Variants in CCAR1 observed in about 807,000 individuals in gnomAD.
CCAR1 encodes the protein cell division cycle and apoptosis regulator protein 1.
Under a neutral mutation model 163.8 loss-of-function variants are expected in CCAR1, and 78 were observed. The ratio of observed to expected loss-of-function variants is 0.48; its 90% CI spans 0.40 to 0.57. CCAR1 has a LOEUF of 0.57. Ranked by LOEUF, CCAR1 falls within the 20% of genes least tolerant of loss-of-function variation. The pLI, the probability that CCAR1 is intolerant of heterozygous loss-of-function variation, is 0.00. For synonymous variants in CCAR1, 443 were observed against 460.7 expected, an observed-to-expected ratio of 0.96 and a Z score of 0.49; for missense variants, 1,019 against 1,365.2, an observed-to-expected ratio of 0.75 and a Z score of 4.00.
At chr10:68,753,022 CTG>C (rs989363189) in intron 10 of CCAR1, among the ~76,000 whole-genome samples, 10 of 151,094 alleles carry the variant, frequency 6.6e-5, no homozygotes, top group African/African-American at 1.2e-4. Flanking sequence ...GTTTATTACT[CTG>C]TATTTATTTT....
Position 68,786,181 on chromosome 10 carries a change from T to C in CCAR1, c.2696T>C (p.Ile899Thr), listed in dbSNP as rs1020846233. 6.8e-6 allele frequency: 11 copies of C among 1,612,146 alleles called. No homozygotes were observed. The Admixed American group carries it at 8.3e-5, about 12-fold the overall frequency. Residue 899 changes from isoleucine to threonine, a missense_variant, in exon 20 of 25, where the codon ATC becomes ACC. By Grantham distance (89) the Ile-to-Thr change is moderately conservative. Coordinates refer to ENST00000265872, the MANE Select transcript of CCAR1 (RefSeq NM_018237.4). ...ACCAAACGAGATGACAAAAGAGATA[T>C]CAACAGATACTGCAAGGAGAGGCCC... ...EMTKRDDKRD[I>T]NRYCKERPSK...
intron 16 of CCAR1, among the ~76,000 whole-genome samples, chr10:68,762,334 A>C (rs904061316): frequency 2.7e-5 from 3 of 111,032 alleles, no homozygotes; most frequent in African/African-American, 6.2e-5. Context: ...GTCTAAAAAA[A>C]AAAACAAAAC....
chr10:68,788,357 C>T, intron 23 of CCAR1, 29 bp downstream of exon 23: 2 of 1,477,126 alleles, frequency 1.4e-6, no homozygotes, highest in Non-Finnish European at 1.8e-6. Context: ...TATGTTAATA[C>T]TTTCAGCACC....
At chr10:68,790,701 A>G (rs753703121) in intron 24 of CCAR1, among the ~76,000 whole-genome samples, 2 of 151,692 alleles carry the variant, frequency 1.3e-5, no homozygotes, top group Non-Finnish European at 2.9e-5. Context: ...GCTAATTTTT[A>G]TATTTTTTTT....
At chr10:68,769,718 G>C (rs1003277850) in intron 17 of CCAR1, among the ~76,000 whole-genome samples, 1 of 151,716 alleles carries the variant, frequency 6.6e-6, no homozygotes, top group Non-Finnish European at 1.5e-5. Flanking sequence ...GAGGCGGGGG[G>C]ATCATGAGGC....
chr10:68,779,893 G>T (rs2056714753), intron 19 of CCAR1, among the ~76,000 whole-genome samples: 1 of 152,134 alleles, frequency 6.6e-6, no homozygotes, highest in Admixed American at 6.6e-5. Context: ...CATGGAAAAA[G>T]ATTTTTAAAG....
At chr10:68,749,474 T>C (rs1285152172) in intron 9 of CCAR1, 50 bp from the exon 10 acceptor site, 1 of 1,485,494 alleles carries the variant, frequency 6.7e-7, no homozygotes, top group Admixed American at 1.9e-5. Flanking sequence ...ATTGAAGAGC[T>C]TTTCCATAAT....
rs71474438 is a variant in CCAR1 at position 68,747,145 on chromosome 10, CTT to C, written c.519-6_519-5del. 4.2e-4 allele frequency: 451 copies of C among 1,081,958 alleles called. No homozygotes were observed. The highest frequency in any genetic ancestry group is 7.6e-4 in the South Asian group (45 of 59,062). 67.0% of individuals were successfully genotyped at this position (1,081,958 alleles called of 1,614,324 possible). ...TGTATTTATATTTAACTTTTTTTTT[CTT>C]TTTTTTTTTACAGTGCTGTCAAAGG... is the stretch of plus-strand genomic sequence containing the variant. On this transcript the variant is annotated splice_polypyrimidine_tract_variant and intron_variant, in intron 6 of 24. Transcript: ENST00000265872.
At chr10:68,776,113 G>A (rs2056664478) in intron 19 of CCAR1, among the ~76,000 whole-genome samples, 1 of 152,118 alleles carries the variant, frequency 6.6e-6, no homozygotes, top group Non-Finnish European at 1.5e-5. Context: ...ATAGGCATGA[G>A]CCACTGACCC....
chr10:68,786,654 A>G lies in CCAR1; in HGVS notation c.2842A>G (p.Ile948Val). 6.2e-7 allele frequency: 1 copy of G among 1,603,236 alleles called. No homozygotes were observed. Among genetic ancestry groups the G allele is most frequent in the Non-Finnish European group, 8.5e-7 (1 of 1,176,534 alleles). Reference protein sequence around the residue: ...GYLLEKDLEEILYTLGLHLSR... With the variant: ...GYLLEKDLEEVLYTLGLHLSR... ...CCTTCTTGAAAAGGATTTGGAAGAAATACTTTATACTCTTGGACTACATCT... is the reference window on the plus strand; with the variant it reads ...CCTTCTTGAAAAGGATTTGGAAGAAGTACTTTATACTCTTGGACTACATCT... The change falls in exon 21 of 25, where the codon ATA (isoleucine) becomes GTA (valine). Residue 948 changes from isoleucine to valine, a missense_variant. Coordinates refer to ENST00000265872, the MANE Select transcript of CCAR1 (RefSeq NM_018237.4).
At chr10:68,737,389 C>G (rs2133323734) in intron 3 of CCAR1, among the ~76,000 whole-genome samples, 1 of 151,064 alleles carries the variant, frequency 6.6e-6, no homozygotes, top group South Asian at 2.1e-4. Context: ...GTGGTCCCAG[C>G]TGCTTGGGAG....
chr10:68,788,462 C>T, intron 23 of CCAR1, 134 bp downstream of exon 23: 1 of 513,444 alleles, frequency 1.9e-6, no homozygotes, highest in Non-Finnish European at 3.1e-6. Flanking sequence ...CATCGAAGTA[C>T]ATAAGGAACT....
intron 16 of CCAR1, among the ~76,000 whole-genome samples, chr10:68,763,183 G>A (rs975402831): frequency 6.7e-6 from 1 of 149,966 alleles, no homozygotes; most frequent in Non-Finnish European, 1.5e-5. Flanking sequence ...ACGGAGTCTC[G>A]CCCTGTTGCC....
At position 68,786,629 on chromosome 10, in the gene CCAR1, C is replaced by T; in HGVS notation, c.2817C>T (p.Tyr939=). The T allele has an allele frequency of 1.2e-6, 2 of 1,605,240 alleles. No individual in the cohort carries two copies. Among genetic ancestry groups the T allele is most frequent in the East Asian group, 2.2e-5 (1 of 44,578 alleles). ...FVYFDQSHCG[Y]LLEKDLEEIL... ...ATTTTGATCAAAGTCATTGTGGTTACCTTCTTGAAAAGGATTTGGAAGAAA... is the reference window on the plus strand; with the variant it reads ...ATTTTGATCAAAGTCATTGTGGTTATCTTCTTGAAAAGGATTTGGAAGAAA... Residue 939 remains tyrosine (Y), a synonymous_variant, in exon 21 of 25, where the codon TAC becomes TAT. Coordinates refer to ENST00000265872, the MANE Select transcript of CCAR1 (RefSeq NM_018237.4).
At chr10:68,740,827 A>G (rs1196041685) in intron 5 of CCAR1, among the ~76,000 whole-genome samples, 166 bp downstream of exon 5, 1 of 151,854 alleles carries the variant, frequency 6.6e-6, no homozygotes, top group Non-Finnish European at 1.5e-5. Context: ...TTTATTTTTG[A>G]TGGTTTCTCC....
chr10:68,736,813 T>C (rs544308225), intron 2 of CCAR1, 63 bp from the exon 3 acceptor site: 1 of 1,463,554 alleles, frequency 6.8e-7, no homozygotes, highest in Non-Finnish European at 9.4e-7. Context: ...ATGTACTGTT[T>C]TCATATTTTT....
chr10:68,722,098 C>T (rs921171125), intron 1 of CCAR1, among the ~76,000 whole-genome samples: 1 of 152,150 alleles, frequency 6.6e-6, no homozygotes, highest in Non-Finnish European at 1.5e-5. Flanking sequence ...AGAAGAAACA[C>T]GCAGGCTGTA....
chr10:68,756,429 G>A lies in CCAR1; in HGVS notation c.1782G>A (p.Lys594=). The A allele has an allele frequency of 6.2e-7, 1 of 1,613,828 alleles. No homozygotes were observed. The highest frequency in any genetic ancestry group is 8.5e-7 in the Non-Finnish European group (1 of 1,179,956). ...SEWETLSRGY[K]QQLVEKLQGE... Reference sequence around the variant, plus strand: ...GGGAAACCCTCTCCCGAGGATACAAGCAGCAGCTGGTCGAGAAGCTTCAGG... The same window carrying A: ...GGGAAACCCTCTCCCGAGGATACAAACAGCAGCTGGTCGAGAAGCTTCAGG... The change falls in exon 14 of 25, where the codon AAG becomes AAA. Residue 594 remains lysine (K), a synonymous_variant. Transcript: ENST00000265872. This position sits in a 1 kb window ranked among gnomAD's most constrained non-coding sequence, Gnocchi z 5.1.
intron 16 of CCAR1, among the ~76,000 whole-genome samples, chr10:68,765,522 C>T (rs144336301): frequency 1.3e-5 from 2 of 152,166 alleles, no homozygotes; most frequent in African/African-American, 4.8e-5. Context: ...ATTTTTATAT[C>T]TATATTGCTT....
Sources: allele counts gnomAD v4.1 joint callset (sites outside exome capture counted in the v4.1 genomes callset), GRCh38; gene constraint gnomAD v4.1.1; non-coding constraint Gnocchi (gnomAD v3.1); transcripts MANE v1.5; gene names NCBI Gene and HGNC (gene_info 2026-07-23, HGNC 2026-07-21).